The following DNAH5 variants were observed in gnomAD, a reference collection of about 807,000 sequenced individuals.
The protein encoded by DNAH5 is dynein axonemal heavy chain 5.
Under a neutral mutation model 518.2 loss-of-function variants are expected in DNAH5, and 372 were observed. The ratio of observed to expected loss-of-function variants is 0.72; its 90% CI spans 0.66 to 0.78. The LOEUF (loss-of-function observed/expected upper bound fraction) is 0.78, where lower values mean the gene tolerates loss of function less well. DNAH5 is among the 30% of genes least tolerant of loss of function. The probability of loss-of-function intolerance (pLI) is 0.00; values close to 1 mark genes in which losing one functional copy is unlikely to be tolerated. For missense variants in DNAH5, 5,523 were observed against 5,687.0 expected (o/e 0.97, Z 0.93); for synonymous variants, 2,039 against 2,025.9 (o/e 1.01, Z -0.17).
chr5:13,730,901 C>T (rs948169667), intron 68 of DNAH5, among the ~76,000 whole-genome samples: 8 of 151,838 alleles, frequency 5.3e-5, no homozygotes, highest in South Asian at 2.1e-4. Flanking sequence ...GGTTTCTCCA[C>T]GTTTGTCAGG....
At chr5:13,853,787 AT>A (rs1767222966) in intron 30 of DNAH5, among the ~76,000 whole-genome samples, 2 of 151,972 alleles carry the variant, frequency 1.3e-5, no homozygotes, top group South Asian at 4.1e-4. Flanking sequence ...TTGAAGATCA[AT>A]GTAATGAAAT....
chr5:13,811,544 C>A, intron 44 of DNAH5, 103 bp downstream of exon 44: 2 of 1,151,292 alleles, frequency 1.7e-6, no homozygotes, highest in Non-Finnish European at 1.3e-6. Context: ...ATAGTACTCT[C>A]TGTATAGCAT....
intron 77 of DNAH5, 42 bp from the exon 78 acceptor site, chr5:13,700,913 T>G (rs1269437291): frequency 6.3e-7 from 1 of 1,588,374 alleles, no homozygotes; most frequent in African/African-American, 1.3e-5. Context: ...GTTAGAGGTT[T>G]GTCTTAATAG....
intron 32 of DNAH5, among the ~76,000 whole-genome samples, chr5:13,842,815 G>A (rs10039518): frequency 0.4 from 60,698 of 151,846 alleles, 12,495 homozygotes; most frequent in East Asian, 0.61. Flanking sequence ...ATCTGCCCCC[G>A]ATTGTAGAAA....
chr5:13,848,010 G>A (rs959828927), intron 31 of DNAH5, among the ~76,000 whole-genome samples: 8 of 152,148 alleles, frequency 5.3e-5, no homozygotes, highest in Non-Finnish European at 1.0e-4. Flanking sequence ...CCTGATCCTG[G>A]TGTTAGGCAC....
At chr5:13,987,061 G>A (rs1204528375) in intron 1 of DNAH5, among the ~76,000 whole-genome samples, 6 of 152,066 alleles carry the variant, frequency 3.9e-5, no homozygotes, top group Non-Finnish European at 4.4e-5. Flanking sequence ...TCCCCTCCTC[G>A]ACTGCCCTGG....
intron 76 of DNAH5, among the ~76,000 whole-genome samples, chr5:13,703,849 C>A (rs1742441542): frequency 2.6e-5 from 4 of 152,212 alleles, no homozygotes; most frequent in Admixed American, 2.6e-4. Context: ...TACTTCTCAG[C>A]CTCACATGCA....
intron 18 of DNAH5, 101 bp downstream of exon 18, chr5:13,885,863 G>A: frequency 9.1e-7 from 1 of 1,101,728 alleles, no homozygotes. Context: ...TCGAGAGGAT[G>A]TTTATAGAAG....
Position 13,934,409 on chromosome 5 carries a change from C to T in DNAH5, c.58-3165G>A, listed in dbSNP as rs76345451. ...CAGATGATTGTTTCTGCTTTAGGCC[C>T]TTAAGTTTTGGTATGGTTTGTAACG... On this transcript the variant is annotated intron_variant, in intron 1 of 78. Transcript: ENST00000265104. Among the ~76,000 whole-genome samples the T allele has an allele frequency of 1.6e-3, 240 of 152,214 alleles. 1 individual carries two copies. The highest frequency in any genetic ancestry group is 6.8e-3 in the Middle Eastern group (2 of 294).
intron 70 of DNAH5, among the ~76,000 whole-genome samples, chr5:13,721,790 C>G (rs1745091435): frequency 6.6e-6 from 1 of 152,166 alleles, no homozygotes; most frequent in African/African-American, 2.4e-5. Context: ...CATCCCTTTA[C>G]TGTTAATTTT....
At position 13,842,446 on chromosome 5, in the gene DNAH5, A is replaced by AGAAAGAAAGAAG. The variant is rs1330999538; in HGVS notation, c.5272-543_5272-542insCTTCTTTCTTTC. Reference sequence around the variant, plus strand: ...AGAAAAGAAAGAAAGAAAGAAAGAAAGAAAGAAAGAAAGAAAGAAAGAAAG... The same window carrying AGAAAGAAAGAAG: ...AGAAAAGAAAGAAAGAAAGAAAGAAAGAAAGAAAGAAGGAAAGAAAGAAAGAAAGAAAGAAAG... On this transcript the variant is annotated intron_variant, in intron 32 of 78. Coordinates refer to ENST00000265104, the MANE Select transcript of DNAH5 (RefSeq NM_001369.3). Among the ~76,000 whole-genome samples the AGAAAGAAAGAAG allele has an allele frequency of 6.8e-4, 78 of 113,906 alleles. 2 individuals carry two copies. Among genetic ancestry groups the AGAAAGAAAGAAG allele is most frequent in the African/African-American group, 1.7e-3 (46 of 26,492 alleles). 74.7% of individuals were successfully genotyped at this position (113,906 alleles called of 152,430 possible).
rs183763597 is a variant in DNAH5 at position 13,920,434 on chromosome 5, G to A, written c.798+46C>T. 80 of 1,610,524 alleles carry A rather than the reference G, an allele frequency of 5.0e-5. No individual in the cohort carries two copies. In the East Asian group the frequency reaches 1.4e-3, roughly 29 times the overall value. On this transcript the variant is annotated intron_variant, in intron 6 of 78. Coordinates refer to ENST00000265104, the MANE Select transcript of DNAH5 (RefSeq NM_001369.3). ...AATACACCTTCTTCCATTGTCTAGC[G>A]CAGTAATGTGGCACCTGAAATTGAT...
At chr5:13,955,691 T>C (rs1780718129) in intron 1 of DNAH5, among the ~76,000 whole-genome samples, 1 of 152,116 alleles carries the variant, frequency 6.6e-6, no homozygotes, top group African/African-American at 2.4e-5. Flanking sequence ...GTTATCCTCA[T>C]TTGGGAATTA....
chr5:13,971,595 G>A (rs989298209), intron 1 of DNAH5, among the ~76,000 whole-genome samples: 1 of 152,142 alleles, frequency 6.6e-6, no homozygotes, highest in Non-Finnish European at 1.5e-5. Context: ...CTGGTACTGG[G>A]GAGTGTCTGC....
At chr5:13,796,403 T>A (rs894549442) in intron 47 of DNAH5, among the ~76,000 whole-genome samples, 10 of 151,934 alleles carry the variant, frequency 6.6e-5, no homozygotes, top group Middle Eastern at 3.4e-3. Flanking sequence ...CTATACACCA[T>A]TAACAGACAA....
intron 34 of DNAH5, among the ~76,000 whole-genome samples, chr5:13,840,210 A>T (rs1481851998): frequency 6.6e-6 from 1 of 152,234 alleles, no homozygotes; most frequent in East Asian, 1.9e-4. Context: ...TGCTGCCTTT[A>T]CTTCCATTAT....
intron 3 of DNAH5, among the ~76,000 whole-genome samples, 166 bp from the exon 4 acceptor site, chr5:13,923,606 T>C (rs1483244619): frequency 2.0e-5 from 3 of 152,158 alleles, no homozygotes; most frequent in Non-Finnish European, 4.4e-5. Context: ...ACAGGGATCT[T>C]AAAAAATCTG....
chr5:13,711,362 A>G (rs1446211957), intron 75 of DNAH5, among the ~76,000 whole-genome samples: 2 of 152,222 alleles, frequency 1.3e-5, no homozygotes, highest in African/African-American at 4.8e-5. Context: ...TACAAGGGAT[A>G]TACCTCAATG....
chr5:13,719,556 G>C (rs888378488), intron 71 of DNAH5, among the ~76,000 whole-genome samples: 13 of 152,152 alleles, frequency 8.5e-5, no homozygotes, highest in Non-Finnish European at 1.8e-4. Context: ...TCCTAAGCTA[G>C]CATTTAGGGA....
Sources: allele counts gnomAD v4.1 joint callset (sites outside exome capture counted in the v4.1 genomes callset), GRCh38; gene constraint gnomAD v4.1.1; transcripts MANE v1.5; gene names NCBI Gene and HGNC (gene_info 2026-07-23, HGNC 2026-07-21).